DMD: variants seen among roughly 807,000 people sequenced by gnomAD.
The protein encoded by DMD is mutant dystrophin.
Under a neutral mutation model 330.1 loss-of-function variants are expected in DMD, and 63 were observed. The ratio of observed to expected loss-of-function variants is 0.19; its 90% confidence interval spans 0.16 to 0.24. The LOEUF is 0.24. Among genes scored for constraint, DMD ranks in the 10% least tolerant of loss-of-function variants. DMD has a pLI of 1.00. For synonymous variants in DMD, 1,223 were observed against 959.8 expected (o/e 1.27, Z -5.07); for missense variants, 3,344 against 2,684.1 (o/e 1.25, Z -5.43).
At chrX:31,944,852 G>A (rs2095065809) in intron 45 of DMD, among the ~76,000 whole-genome samples, 1 of 110,613 alleles carries the variant, frequency 9.0e-6, no homozygotes, top group Non-Finnish European at 1.9e-5. Flanking sequence ...TTGTCAACTG[G>A]CATAAGTAAT....
At chrX:33,123,726 T>G (rs1040141853) in intron 1 of DMD, among the ~76,000 whole-genome samples, 4 of 72,904 alleles carry the variant, frequency 5.5e-5, no homozygotes, top group Non-Finnish European at 1.0e-4. Flanking sequence ...TTCAAATGAG[T>G]TTTTTTTTTT....
chrX:32,238,499 C>T (rs765070002), intron 43 of DMD, among the ~76,000 whole-genome samples: 22 of 110,022 alleles, frequency 2.0e-4, no homozygotes, highest in Non-Finnish European at 4.0e-4. Flanking sequence ...GAGAGATAGG[C>T]GTGGATGGAG....
chrX:31,335,028 C>T (rs2057345615), intron 61 of DMD, among the ~76,000 whole-genome samples: 1 of 112,041 alleles, frequency 8.9e-6, no homozygotes, highest in Admixed American at 9.5e-5. Flanking sequence ...AAAAGGGTCC[C>T]CTTCTCCCAT....
At chrX:32,332,458 C>T (rs2097685587) in intron 41 of DMD, among the ~76,000 whole-genome samples, 1 of 81,327 alleles carries the variant, frequency 1.2e-5, no homozygotes, top group Non-Finnish European at 2.4e-5. Flanking sequence ...TATGTGCACA[C>T]ATGAGAAAGA....
intron 45 of DMD, among the ~76,000 whole-genome samples, chrX:31,962,126 G>A (rs2095311939): frequency 9.0e-6 from 1 of 111,070 alleles, no homozygotes; most frequent in African/African-American, 3.3e-5. Flanking sequence ...CTGTGCCTTC[G>A]TTGCCCTCCT....
chrX:32,936,102 T>C (rs2089998892), intron 2 of DMD, among the ~76,000 whole-genome samples: 1 of 93,418 alleles, frequency 1.1e-5, no homozygotes, highest in South Asian at 6.4e-4. Flanking sequence ...TTCATAACTT[T>C]ACTTGTATCT....
At position 32,024,022 on chromosome X, in the gene DMD, C is replaced by T. The variant is rs147746635; in HGVS notation, c.6439-55508G>A. On this transcript the variant is annotated intron_variant, in intron 44 of 78. Coordinates refer to ENST00000357033, the MANE Select transcript of DMD (RefSeq NM_004006.3). ...CTGGGTGGTGGGATCATTCATATAGCAAACCTCATCATCATGCACTATATC... is the reference window on the plus strand; with the variant it reads ...CTGGGTGGTGGGATCATTCATATAGTAAACCTCATCATCATGCACTATATC... Among the ~76,000 whole-genome samples the T allele has an allele frequency of 2.6e-3, 291 of 111,374 alleles. 1 individual carries two copies. The highest frequency in any genetic ancestry group is 8.8e-3 in the African/African-American group (268 of 30,619).
intron 1 of DMD, among the ~76,000 whole-genome samples, chrX:33,190,475 C>CTTTTTTTTTT (rs1179347488): frequency 8.9e-5 from 2 of 22,439 alleles, no homozygotes; most frequent in Non-Finnish European, 1.4e-4. Context: ...ATCTTTCTTT[C>CTTTTTTTTTT]TTTTTTTTTT....
intron 37 of DMD, among the ~76,000 whole-genome samples, chrX:32,353,008 G>A (rs2097786982): frequency 9.0e-6 from 1 of 110,800 alleles, no homozygotes; most frequent in Non-Finnish European, 1.9e-5. Flanking sequence ...ACAGGAAAAG[G>A]TGCTTATTAT....
chrX:32,824,879 G>A (rs1471734426), intron 4 of DMD, among the ~76,000 whole-genome samples: 1 of 111,578 alleles, frequency 9.0e-6, no homozygotes, highest in Non-Finnish European at 1.9e-5. Flanking sequence ...TCGAAGGGGA[G>A]ATTGATCATT....
chrX:32,668,219 C>T (rs1446892907), intron 9 of DMD, among the ~76,000 whole-genome samples: 1 of 111,268 alleles, frequency 9.0e-6, no homozygotes, highest in Admixed American at 9.5e-5. Context: ...TGAAGCATTT[C>T]AAATTGCTGG....
At chrX:31,454,469 G>A (rs764258592) in intron 59 of DMD, among the ~76,000 whole-genome samples, 4 of 112,038 alleles carry the variant, frequency 3.6e-5, no homozygotes, top group Non-Finnish European at 7.5e-5. Context: ...TTTTGGGCTT[G>A]CAATCATTTC....
chrX:32,400,248 G>T (rs1451649101), intron 30 of DMD, among the ~76,000 whole-genome samples: 1 of 111,772 alleles, frequency 8.9e-6, no homozygotes, highest in Non-Finnish European at 1.9e-5. Context: ...CTGTTTAGAT[G>T]CTGGATTACA....
chrX:31,783,296 C>T lies in DMD; in HGVS notation c.7310-9104G>A, dbSNP rs1220121348. 2.7e-5 allele frequency among the ~76,000 whole-genome samples: 3 copies of T among 111,920 alleles called. No homozygotes were observed. The Admixed American group carries it at 2.9e-4, about 11-fold the overall frequency. Reference sequence around the variant, plus strand: ...TCCTACCTGAATGTTAGAGACAAGACTCTGCAGTGAAAACTAAGCAAAATG... The same window carrying T: ...TCCTACCTGAATGTTAGAGACAAGATTCTGCAGTGAAAACTAAGCAAAATG... On this transcript the variant is annotated intron_variant, in intron 50 of 78. Coordinates refer to ENST00000357033, the MANE Select transcript of DMD (RefSeq NM_004006.3).
intron 55 of DMD, among the ~76,000 whole-genome samples, chrX:31,566,251 T>C (rs1056552257): frequency 8.9e-6 from 1 of 112,060 alleles, no homozygotes; most frequent in Non-Finnish European, 1.9e-5. Flanking sequence ...CCATGATCTA[T>C]TTTGAATTAA....
chrX:31,360,089 G>A (rs1207071492), intron 60 of DMD, among the ~76,000 whole-genome samples: 3 of 109,926 alleles, frequency 2.7e-5, no homozygotes. Context: ...GTAAAGGCCC[G>A]GATATGAAGG....
chrX:31,278,411 G>A (rs892364075), intron 62 of DMD, among the ~76,000 whole-genome samples: 4 of 111,198 alleles, frequency 3.6e-5, no homozygotes, highest in Non-Finnish European at 5.7e-5. Context: ...AGTTGGGGAG[G>A]CGTTCATCAA....
intron 59 of DMD, among the ~76,000 whole-genome samples, chrX:31,472,168 C>T (rs1308214298): frequency 8.9e-6 from 1 of 112,395 alleles, no homozygotes; most frequent in Non-Finnish European, 1.9e-5. Flanking sequence ...CCTCTTCCTA[C>T]TATAGGCAGT....
At chrX:33,070,479 A>G (rs1394921831) in intron 1 of DMD, among the ~76,000 whole-genome samples, 1 of 110,033 alleles carries the variant, frequency 9.1e-6, no homozygotes, top group Non-Finnish European at 1.9e-5. Flanking sequence ...GGAACTACCA[A>G]TAAGCTTCCT....
Sources: allele counts gnomAD v4.1 joint callset (sites outside exome capture counted in the v4.1 genomes callset), GRCh38; gene constraint gnomAD v4.1.1; transcripts MANE v1.5; gene names NCBI Gene and HGNC (gene_info 2026-07-23, HGNC 2026-07-21).